The following GCNT2 variants were observed in gnomAD, a reference collection of about 807,000 sequenced individuals.
The protein encoded by GCNT2 is glucosaminyl (N-acetyl) transferase 2 (I blood group).
A neutral mutation model predicts 34.2 loss-of-function variants in GCNT2; 34 were observed. That is an observed-to-expected ratio of 1.00 (90% confidence interval 0.76 to 1.32). The LOEUF (loss-of-function observed/expected upper bound fraction) is 1.32. Ranked by LOEUF, GCNT2 falls within the 40% of genes most tolerant of loss-of-function variation. The pLI is 0.00. For synonymous variants in GCNT2, 212 were observed against 188.0 expected, an observed-to-expected ratio of 1.13 and a Z score of -1.04; for missense variants, 584 against 489.4, an observed-to-expected ratio of 1.19 and a Z score of -1.82.
intron 3 of GCNT2, among the ~76,000 whole-genome samples, chr6:10,548,764 CCT>C (rs1491109789): frequency 2.0e-5 from 3 of 151,612 alleles, no homozygotes; most frequent in Middle Eastern, 3.5e-3. Context: ...TATTTGGAGA[CCT>C]TTTTTTTTTT....
intron 3 of GCNT2, among the ~76,000 whole-genome samples, chr6:10,572,216 G>T (rs1020860458): frequency 6.6e-6 from 1 of 151,944 alleles, no homozygotes; most frequent in Non-Finnish European, 1.5e-5. Flanking sequence ...TTTATGTTCC[G>T]CAGAACTGCA....
Position 10,529,191 on chromosome 6 carries a change from G to C in GCNT2, c.280G>C (p.Gly94Arg). The C allele has an allele frequency of 6.2e-7, 1 of 1,614,150 alleles. No individual in the cohort carries two copies. Among genetic ancestry groups the C allele is most frequent in the Non-Finnish European group, 8.5e-7 (1 of 1,180,024 alleles). ...AGAAACACTCTCTGAAGAAGAGGCT[G>C]GGTTCCCTTTAGCTTACACAGTGAC... is the stretch of plus-strand genomic sequence containing the variant. ...VTETLSEEEA[G>R]FPLAYTVTIH... The change falls in exon 3 of 5, where the codon GGG becomes CGG. Residue 94 changes from glycine (G) to arginine (R), a missense_variant. Physicochemically the swap from Gly to Arg is moderately radical, Grantham distance 125 (BLOSUM62 -2). Transcript: ENST00000495262.
At chr6:10,561,838 T>G (rs1200522561) in intron 3 of GCNT2, among the ~76,000 whole-genome samples, 1 of 152,038 alleles carries the variant, frequency 6.6e-6, no homozygotes, top group African/African-American at 2.4e-5. Flanking sequence ...TTCAGGGCCC[T>G]TTTGTCAAAT....
chr6:10,532,396 G>T (rs1295873164), intron 3 of GCNT2, among the ~76,000 whole-genome samples: 2 of 152,210 alleles, frequency 1.3e-5, no homozygotes, highest in Non-Finnish European at 2.9e-5. Flanking sequence ...TTATGTGTGT[G>T]GAGGAACACT....
Position 10,529,362 on chromosome 6 carries a change from T to C in GCNT2, c.451T>C (p.Phe151Leu), listed in dbSNP as rs575843044. 3 of 1,614,082 alleles carry C rather than the reference T, an allele frequency of 1.9e-6. No homozygotes were observed. ...GTTACTCAGCTGCTTCCCAAATGCT[T>C]TTCTGGCTTCCAAGAAGGAGTCGGT... Reference protein sequence around the residue: ...KQLLSCFPNAFLASKKESVVY... With the variant: ...KQLLSCFPNALLASKKESVVY... Residue 151 changes from phenylalanine (F) to leucine (L), a missense_variant, in exon 3 of 5, where the codon TTT becomes CTT. Phe to Leu is a conservative substitution (Grantham distance 22, BLOSUM62 0). Transcript: ENST00000495262.
intron 3 of GCNT2, among the ~76,000 whole-genome samples, chr6:10,610,065 G>A (rs536238966): frequency 2.6e-5 from 4 of 152,220 alleles, no homozygotes; most frequent in African/African-American, 9.7e-5. Flanking sequence ...AGACCCACTG[G>A]CAGGCAATTA....
intron 3 of GCNT2, among the ~76,000 whole-genome samples, chr6:10,603,404 G>A (rs1270177923): frequency 2.0e-5 from 3 of 152,170 alleles, no homozygotes; most frequent in Non-Finnish European, 4.4e-5. Context: ...AAACTTTAAT[G>A]TTATTCACAG....
chr6:10,529,059 C>G lies in GCNT2; in HGVS notation c.148C>G (p.His50Asp). The G allele has an allele frequency of 6.2e-7, 1 of 1,614,098 alleles. No individual in the cohort carries two copies. ...SNASLLAEAC[H>D]QIFEGKVFYP... ...TGCTTCACTGTTAGCAGAAGCCTGT[C>G]ATCAGATTTTTGAGGGGAAAGTTTT... Residue 50 changes from histidine to aspartate, a missense_variant, in exon 3 of 5, where the codon CAT (histidine) becomes GAT (aspartate). His to Asp is a moderately conservative substitution (Grantham distance 81, BLOSUM62 -1). Transcript: ENST00000495262.
At chr6:10,577,991 T>C (rs1448379329) in intron 3 of GCNT2, among the ~76,000 whole-genome samples, 2 of 152,174 alleles carry the variant, frequency 1.3e-5, no homozygotes, top group Non-Finnish European at 2.9e-5. Context: ...CACCCAAAAG[T>C]GGGTTTATTT....
At chr6:10,595,478 C>T (rs558698810) in intron 3 of GCNT2, among the ~76,000 whole-genome samples, 3 of 152,016 alleles carry the variant, frequency 2.0e-5, no homozygotes, top group Non-Finnish European at 2.9e-5. Context: ...GGGGTTTCAT[C>T]GTGTTGGCCA....
intron 3 of GCNT2, among the ~76,000 whole-genome samples, chr6:10,590,020 G>A (rs188626072): frequency 7.9e-5 from 12 of 152,258 alleles, no homozygotes; most frequent in Admixed American, 6.5e-4. Flanking sequence ...ATCCAACCGC[G>A]ATGAAGTGCA....
intron 3 of GCNT2, among the ~76,000 whole-genome samples, chr6:10,566,549 C>G (rs1190232475): frequency 6.6e-6 from 1 of 152,218 alleles, no homozygotes; most frequent in Non-Finnish European, 1.5e-5. Flanking sequence ...CTGCCTTGGC[C>G]TCCCAAAGCG....
At chr6:10,597,942 G>A (rs776785977) in intron 3 of GCNT2, among the ~76,000 whole-genome samples, 10 of 152,148 alleles carry the variant, frequency 6.6e-5, no homozygotes, top group Non-Finnish European at 1.3e-4. Flanking sequence ...AAGTGCTTTC[G>A]AGTACTGTGT....
At chr6:10,556,377 A>G (rs372195914) in intron 3 of GCNT2, 3 of 1,611,508 alleles carry the variant, frequency 1.9e-6, no homozygotes, top group African/African-American at 1.3e-5. Context: ...TGGAAAAAAG[A>G]CTTACAGATT....
At chr6:10,549,845 G>A (rs1023196019) in intron 3 of GCNT2, among the ~76,000 whole-genome samples, 22 of 152,098 alleles carry the variant, frequency 1.4e-4, no homozygotes, top group Admixed American at 1.4e-3. Flanking sequence ...TGGTTGCTGT[G>A]TATCGTAATT....
chr6:10,557,170 A>C, intron 3 of GCNT2: 5 of 1,548,514 alleles, frequency 3.2e-6, no homozygotes, highest in African/African-American at 2.8e-5. Flanking sequence ...CAGCGTTGAA[A>C]CCGCCTCCCC....
intron 3 of GCNT2, among the ~76,000 whole-genome samples, chr6:10,592,164 A>G (rs1764679387): frequency 6.6e-6 from 1 of 152,242 alleles, no homozygotes; most frequent in Non-Finnish European, 1.5e-5. Context: ...CCACACTGAC[A>G]TTTGTCTTGT....
At chr6:10,623,893 C>T (rs111766095) in intron 4 of GCNT2, among the ~76,000 whole-genome samples, 31 of 152,220 alleles carry the variant, frequency 2.0e-4, no homozygotes, top group African/African-American at 7.2e-4. Flanking sequence ...CCGTCTGACC[C>T]GTGTATTGTA....
At chr6:10,566,865 G>C (rs1763305637) in intron 3 of GCNT2, among the ~76,000 whole-genome samples, 1 of 152,212 alleles carries the variant, frequency 6.6e-6, no homozygotes, top group South Asian at 2.1e-4. Flanking sequence ...TACCCAATGA[G>C]TGGGGTCCAG....
Sources: gnomAD v4.1 joint callset for allele counts (sites outside exome capture counted in the v4.1 genomes callset) on GRCh38, gnomAD v4.1.1 for gene constraint, MANE v1.5 for transcripts, NCBI Gene and HGNC (gene_info 2026-07-23, HGNC 2026-07-21) for gene names.